The following MACROD2 variants were observed in gnomAD, a reference collection of about 807,000 sequenced individuals.
MACROD2 encodes the protein mono-ADP ribosylhydrolase 2.
Under a neutral mutation model 70.4 loss-of-function variants are expected in MACROD2, and 36 were observed. The ratio of observed to expected loss-of-function variants is 0.51; its 90% CI spans 0.39 to 0.68. The LOEUF is 0.68. MACROD2 is among the 30% of genes least tolerant of loss of function. The pLI is 0.00. For synonymous variants in MACROD2, 172 were observed against 178.8 expected, an observed-to-expected ratio of 0.96 and a Z score of 0.30; for missense variants, 496 against 538.4, an observed-to-expected ratio of 0.92 and a Z score of 0.78.
At chr20:14,868,700 CTG>C (rs1452702528) in intron 5 of MACROD2, among the ~76,000 whole-genome samples, 1 of 152,050 alleles carries the variant, frequency 6.6e-6, no homozygotes, top group Non-Finnish European at 1.5e-5. Flanking sequence ...TTTGAAATTG[CTG>C]TGTTTTCCTT....
chr20:15,113,532 A>G (rs1187805844), intron 5 of MACROD2, among the ~76,000 whole-genome samples: 1 of 152,176 alleles, frequency 6.6e-6, no homozygotes, highest in African/African-American at 2.4e-5. Flanking sequence ...TTAGAAACTC[A>G]ACTATGTGTA....
intron 4 of MACROD2, among the ~76,000 whole-genome samples, chr20:14,538,971 C>G (rs980707450): frequency 1.3e-5 from 2 of 152,142 alleles, no homozygotes; most frequent in Non-Finnish European, 2.9e-5. Context: ...GCTGGTGTGT[C>G]CCTAGTGCCT....
chr20:15,039,892 T>C (rs1027472748), intron 5 of MACROD2, among the ~76,000 whole-genome samples: 1 of 152,202 alleles, frequency 6.6e-6, no homozygotes, highest in African/African-American at 2.4e-5. Context: ...TGTAAAGTTT[T>C]GGATGCTCCC....
chr20:14,161,836 C>T (rs987027439), intron 3 of MACROD2, among the ~76,000 whole-genome samples: 2 of 152,054 alleles, frequency 1.3e-5, no homozygotes, highest in Non-Finnish European at 2.9e-5. Context: ...CCTCGTGATC[C>T]ACCCACCTCA....
At chr20:15,247,886 C>T (rs975883052) in intron 6 of MACROD2, among the ~76,000 whole-genome samples, 6 of 152,054 alleles carry the variant, frequency 3.9e-5, no homozygotes, top group South Asian at 2.1e-4. Flanking sequence ...TTAGTAGAGA[C>T]GGGGTTTCAC....
At chr20:15,686,606 C>T (rs2050228076) in intron 8 of MACROD2, among the ~76,000 whole-genome samples, 1 of 152,140 alleles carries the variant, frequency 6.6e-6, no homozygotes, top group African/African-American at 2.4e-5. Context: ...GGCATGGTGG[C>T]TCATGCCTGT....
chr20:14,863,109 A>G (rs1280988009), intron 5 of MACROD2, among the ~76,000 whole-genome samples: 4 of 152,000 alleles, frequency 2.6e-5, no homozygotes, highest in Non-Finnish European at 5.9e-5. Context: ...AGCAGAAGCA[A>G]ATCACCCACG....
chr20:15,757,424 C>T (rs894968451), intron 8 of MACROD2, among the ~76,000 whole-genome samples: 1 of 151,852 alleles, frequency 6.6e-6, no homozygotes, highest in Non-Finnish European at 1.5e-5. Flanking sequence ...GGATTATTAG[C>T]CAGGATGCTG....
chr20:15,272,832 A>G (rs575551588), intron 6 of MACROD2, among the ~76,000 whole-genome samples: 2 of 152,342 alleles, frequency 1.3e-5, no homozygotes, highest in East Asian at 1.9e-4. Context: ...TCTATTTTAT[A>G]TGGAATAGTC....
intron 7 of MACROD2, among the ~76,000 whole-genome samples, chr20:15,490,812 C>T (rs1214635184): frequency 6.6e-6 from 1 of 152,176 alleles, no homozygotes; most frequent in African/African-American, 2.4e-5. Context: ...CATATGGCTA[C>T]TTGAGCTAAT....
intron 8 of MACROD2, among the ~76,000 whole-genome samples, chr20:15,578,895 A>G (rs1203108467): frequency 4.6e-5 from 7 of 152,230 alleles, no homozygotes; most frequent in Admixed American, 1.3e-4. Context: ...ATATAGTAAC[A>G]TAGAAGATAG....
In MACROD2 at chr20:14,311,049, AAG is replaced by A. The variant is rs565921729; in HGVS notation, c.272-182428_272-182427del. Among the ~76,000 whole-genome samples, 344 of 152,294 alleles carry A rather than the reference AAG, an allele frequency of 2.3e-3. 2 individuals are homozygous for A. Among genetic ancestry groups the A allele is most frequent in the African/African-American group, 7.9e-3 (329 of 41,564 alleles). ...GCTAAGGTTAATTTATTATTGAAGA[AAG>A]AAAAATATTTTTAAAATACGTTTAG... On this transcript the variant is annotated intron_variant, in intron 3 of 17. Transcript: ENST00000684519.
intron 6 of MACROD2, among the ~76,000 whole-genome samples, chr20:15,239,679 C>T (rs114044830): frequency 0.012 from 1,767 of 152,106 alleles, 28 homozygotes; most frequent in African/African-American, 0.039. Context: ...TAAGCTATCC[C>T]GGAGGATGCA....
At chr20:14,027,657 ACAGT>A (rs1033394888) in intron 2 of MACROD2, among the ~76,000 whole-genome samples, 4 of 150,486 alleles carry the variant, frequency 2.7e-5, no homozygotes, top group African/African-American at 7.3e-5. Context: ...TTTCCTTCTA[ACAGT>A]CAGGCCCCAC....
intron 10 of MACROD2, among the ~76,000 whole-genome samples, chr20:15,931,870 G>T (rs911558775): frequency 6.6e-6 from 1 of 152,032 alleles, no homozygotes; most frequent in Admixed American, 6.6e-5. Flanking sequence ...TCGTTTTCCA[G>T]AGCTGCAGGT....
At chr20:15,876,759 G>A (rs1042719980) in intron 9 of MACROD2, among the ~76,000 whole-genome samples, 72 of 152,062 alleles carry the variant, frequency 4.7e-4, no homozygotes, top group African/African-American at 1.5e-3. Context: ...ATTTCTCCAC[G>A]TCGTCTCCAG....
intron 1 of MACROD2, among the ~76,000 whole-genome samples, chr20:13,999,632 C>T (rs990994010): frequency 6.6e-6 from 1 of 152,124 alleles, no homozygotes; most frequent in Admixed American, 6.5e-5. Flanking sequence ...AGTTATTTGA[C>T]GTTGTTTATA....
chr20:14,675,349 A>T (rs1402513703), intron 4 of MACROD2, among the ~76,000 whole-genome samples: 1 of 152,218 alleles, frequency 6.6e-6, no homozygotes, highest in Non-Finnish European at 1.5e-5. Flanking sequence ...GACTAACAGC[A>T]GATCTCTCTG....
intron 5 of MACROD2, among the ~76,000 whole-genome samples, chr20:14,990,207 TG>T (rs2074888911): frequency 6.6e-6 from 1 of 152,044 alleles, no homozygotes; most frequent in Admixed American, 6.6e-5. Context: ...GAATGGGTTT[TG>T]GAAATGTGAT....
Sources: gnomAD v4.1 joint callset for allele counts (sites outside exome capture counted in the v4.1 genomes callset) on GRCh38, gnomAD v4.1.1 for gene constraint, MANE v1.5 for transcripts, NCBI Gene and HGNC (gene_info 2026-07-23, HGNC 2026-07-21) for gene names.